SLC4A7: variants seen among roughly 807,000 people sequenced by gnomAD.
SLC4A7 encodes the protein solute carrier family 4 member 7.
A neutral mutation model predicts 137.6 loss-of-function variants in SLC4A7; 51 were observed. The observed-to-expected ratio is 0.37, with a 90% CI of 0.30 to 0.47. The LOEUF is 0.47. Among genes scored for constraint, SLC4A7 ranks in the 20% least tolerant of loss-of-function variants. The pLI, the probability that SLC4A7 is intolerant of heterozygous loss-of-function variation, is 1.00. For synonymous variants in SLC4A7, 542 were observed against 518.6 expected (o/e 1.05, Z -0.61); for missense variants, 1,247 against 1,525.4 (o/e 0.82, Z 3.04).
intron 23 of SLC4A7, among the ~76,000 whole-genome samples, chr3:27,384,546 C>T (rs1365427742): frequency 6.6e-6 from 1 of 152,130 alleles, no homozygotes; most frequent in African/African-American, 2.4e-5. Flanking sequence ...TTAAAGGCCA[C>T]TTTTACTTTT....
intron 22 of SLC4A7, among the ~76,000 whole-genome samples, chr3:27,388,724 A>G (rs1032189862): frequency 6.6e-6 from 1 of 152,162 alleles, no homozygotes; most frequent in Non-Finnish European, 1.5e-5. Flanking sequence ...TTGATGGTAG[A>G]AAACAATAAC....
In SLC4A7 at chr3:27,427,510, T is replaced by C. The variant is rs1381333999; in HGVS notation, c.1151-3358A>G. Among the ~76,000 whole-genome samples, 12 of 152,162 alleles carry C rather than the reference T, an allele frequency of 7.9e-5. No homozygotes were observed. The South Asian group carries it at 2.5e-3, about 32-fold the overall frequency. On this transcript the variant is annotated intron_variant, in intron 7 of 25. Coordinates refer to ENST00000454389, the MANE Select transcript of SLC4A7 (RefSeq NM_001321103.2). ...TATAACTTTTATACATATAATTATC[T>C]TCTAAAAAGTAACTAATGGGAAATA... is the stretch of plus-strand genomic sequence containing the variant.
chr3:27,385,535 A>T (rs1163968988), intron 23 of SLC4A7, among the ~76,000 whole-genome samples: 1 of 152,202 alleles, frequency 6.6e-6, no homozygotes, highest in African/African-American at 2.4e-5. Context: ...ATATACTCTG[A>T]GGTATAACTA....
intron 1 of SLC4A7, among the ~76,000 whole-genome samples, chr3:27,477,759 C>G (rs571285085): frequency 6.6e-6 from 1 of 152,072 alleles, no homozygotes; most frequent in Non-Finnish European, 1.5e-5. Flanking sequence ...GGATTACAGG[C>G]GCACAGCACC....
chr3:27,418,157 A>G (rs1205250832), intron 11 of SLC4A7, among the ~76,000 whole-genome samples: 2 of 152,154 alleles, frequency 1.3e-5, no homozygotes, highest in Non-Finnish European at 1.5e-5. Context: ...AGAATAAGGA[A>G]TATTTTCATG....
intron 1 of SLC4A7, among the ~76,000 whole-genome samples, chr3:27,459,966 GTTAT>G (rs990116972): frequency 2.8e-5 from 3 of 105,660 alleles, no homozygotes; most frequent in African/African-American, 1.1e-4. Flanking sequence ...ACATCTCAGT[GTTAT>G]TTATATATAT....
intron 23 of SLC4A7, among the ~76,000 whole-genome samples, chr3:27,384,477 A>G (rs2050738451): frequency 6.6e-6 from 1 of 152,200 alleles, no homozygotes; most frequent in Non-Finnish European, 1.5e-5. Context: ...GTGGGGCTTA[A>G]CACTGCATCA....
At chr3:27,461,386 G>A (rs1210450314) in intron 1 of SLC4A7, among the ~76,000 whole-genome samples, 1 of 151,658 alleles carries the variant, frequency 6.6e-6, no homozygotes, top group East Asian at 1.9e-4. Context: ...GTGACGAAGC[G>A]AGACACTGTC....
At position 27,376,696 on chromosome 3, in the gene SLC4A7, T is replaced by C. The variant is rs1411457826; in HGVS notation, c.*68A>G. On this transcript the variant is annotated 3_prime_UTR_variant, in exon 26 of 26. Coordinates refer to ENST00000454389, the MANE Select transcript of SLC4A7 (RefSeq NM_001321103.2). ...CAGCATGACATACAATATTCTTATA[T>C]ATAGTGACATGATACGCACACATTA... The C allele has an allele frequency of 6.3e-6, 6 of 951,050 alleles. No homozygotes were observed. The highest frequency in any genetic ancestry group is 1.7e-5 in the African/African-American group (1 of 60,498). The allele number at this position is 951,050 out of a possible 1,614,324, so 58.9% of individuals were successfully genotyped here. A position where few individuals can be genotyped will look rare whatever the true frequency, so the allele number is the denominator to read the frequency against.
chr3:27,444,746 T>C (rs1156584323), intron 3 of SLC4A7, among the ~76,000 whole-genome samples: 1 of 152,224 alleles, frequency 6.6e-6, no homozygotes, highest in Non-Finnish European at 1.5e-5. Flanking sequence ...TTTAACATTC[T>C]TATTTTCTAA....
At chr3:27,439,684 C>A (rs1398568665) in intron 3 of SLC4A7, among the ~76,000 whole-genome samples, 2 of 152,132 alleles carry the variant, frequency 1.3e-5, no homozygotes, top group Non-Finnish European at 2.9e-5. Context: ...GACCATTTTA[C>A]TTTTTCATTC....
intron 11 of SLC4A7, 145 bp from the exon 12 acceptor site, chr3:27,411,893 C>A: frequency 4.9e-6 from 2 of 405,130 alleles, no homozygotes. Flanking sequence ...AAAATAAACT[C>A]TCTTCTGAAA....
At chr3:27,431,159 G>GA (rs914925559) in intron 7 of SLC4A7, 139 bp downstream of exon 7, 6,070 of 886,482 alleles carry the variant, frequency 6.8e-3, no homozygotes, top group South Asian at 9.8e-3. Context: ...CTATCATAAA[G>GA]AAAAAAAAAC....
chr3:27,480,536 TAC>T (rs1254544066), intron 1 of SLC4A7, among the ~76,000 whole-genome samples: 1 of 152,180 alleles, frequency 6.6e-6, no homozygotes, highest in African/African-American at 2.4e-5. Context: ...AGCCTTGTCC[TAC>T]AGTTTCAGAT....
rs538476491 is a variant in SLC4A7 at position 27,410,261 on chromosome 3, G to C, written c.1767-731C>G. Among the ~76,000 whole-genome samples the C allele has an allele frequency of 4.6e-5, 7 of 152,182 alleles. 1 individual carries two copies. The highest frequency in any genetic ancestry group is 1.7e-4 in the African/African-American group (7 of 41,528). On this transcript the variant is annotated intron_variant, in intron 12 of 25. Transcript: ENST00000454389. The stretch of plus-strand genomic sequence containing the variant: ...TTGAAGACATTCCAATAAAATATAA[G>C]CTCCATGAGGGGAGACTTTTTCTTG...
At chr3:27,477,739 C>A (rs1320531936) in intron 1 of SLC4A7, among the ~76,000 whole-genome samples, 1 of 152,104 alleles carries the variant, frequency 6.6e-6, no homozygotes, top group Non-Finnish European at 1.5e-5. Context: ...CTCAGCCTCC[C>A]AAGTAGCTGG....
intron 24 of SLC4A7, among the ~76,000 whole-genome samples, chr3:27,381,251 A>G (rs547200739): frequency 1.3e-5 from 2 of 152,306 alleles, no homozygotes; most frequent in East Asian, 3.9e-4. Flanking sequence ...GACTCCACTT[A>G]AATTTGTCAA....
chr3:27,430,146 C>T (rs2150361990), intron 7 of SLC4A7, among the ~76,000 whole-genome samples: 1 of 152,050 alleles, frequency 6.6e-6, no homozygotes, highest in East Asian at 2.0e-4. Context: ...GAGTTCAAGG[C>T]TGCAGTGAGC....
At chr3:27,427,012 A>C (rs2150341802) in intron 7 of SLC4A7, among the ~76,000 whole-genome samples, 1 of 152,348 alleles carries the variant, frequency 6.6e-6, no homozygotes, top group East Asian at 1.9e-4. Context: ...TTAAATTTCA[A>C]ATTTTAAACT....
Sources: allele counts gnomAD v4.1 joint callset (sites outside exome capture counted in the v4.1 genomes callset), GRCh38; gene constraint gnomAD v4.1.1; transcripts MANE v1.5; gene names NCBI Gene and HGNC (gene_info 2026-07-23, HGNC 2026-07-21).